RNF214: variants seen among roughly 807,000 people sequenced by gnomAD.
RNF214 encodes the protein ring finger protein 214.
A neutral mutation model predicts 75.9 loss-of-function variants in RNF214; 25 were observed. The observed-to-expected ratio is 0.33, with a 90% CI of 0.24 to 0.46. The LOEUF is 0.46. Ranked by LOEUF, RNF214 falls within the 20% of genes least tolerant of loss-of-function variation. RNF214 has a pLI of 1.00. For synonymous variants in RNF214, 314 were observed against 308.8 expected, an observed-to-expected ratio of 1.02 and a Z score of -0.18; for missense variants, 725 against 857.5, an observed-to-expected ratio of 0.85 and a Z score of 1.93.
At chr11:117,239,638 G>T in intron 3 of RNF214, 163 bp from the exon 4 acceptor site, 2 of 629,306 alleles carry the variant, frequency 3.2e-6, no homozygotes, top group Non-Finnish European at 5.7e-6. Context: ...CAGCGTGGAT[G>T]TTGGTGTCCG....
chr11:117,271,319 T>C (rs932858570), intron 6 of RNF214, among the ~76,000 whole-genome samples: 1 of 152,246 alleles, frequency 6.6e-6, no homozygotes, highest in African/African-American at 2.4e-5. Flanking sequence ...CCTTGGCCTC[T>C]GTGAACCCGT....
At chr11:117,255,087 T>C (rs955751168) in intron 6 of RNF214, among the ~76,000 whole-genome samples, 4 of 152,200 alleles carry the variant, frequency 2.6e-5, no homozygotes, top group Non-Finnish European at 2.9e-5. Context: ...AGGCTAGTCT[T>C]GAACTCCTCT....
chr11:117,275,600 G>A (rs1424605962), intron 6 of RNF214, among the ~76,000 whole-genome samples: 2 of 152,130 alleles, frequency 1.3e-5, no homozygotes, highest in African/African-American at 4.8e-5. Context: ...ATCTGAGACT[G>A]CTGTGAACAC....
At chr11:117,279,636 C>T (rs1277777202) in intron 6 of RNF214, among the ~76,000 whole-genome samples, 5 of 152,188 alleles carry the variant, frequency 3.3e-5, no homozygotes, top group Admixed American at 6.5e-5. Context: ...CACGCCCGGT[C>T]ACAACGTTTT....
At chr11:117,234,201 G>A (rs540994292) in intron 1 of RNF214, 66 bp from the exon 2 acceptor site, 12 of 1,154,124 alleles carry the variant, frequency 1.0e-5, no homozygotes, top group East Asian at 2.3e-5. Flanking sequence ...CATTCTGAGG[G>A]GGGAGAGATA....
chr11:117,249,958 T>G (rs2033327874), intron 6 of RNF214, among the ~76,000 whole-genome samples: 1 of 152,222 alleles, frequency 6.6e-6, no homozygotes, highest in Non-Finnish European at 1.5e-5. Context: ...TATTTCCTGT[T>G]TATAGTGTTT....
intron 6 of RNF214, among the ~76,000 whole-genome samples, chr11:117,273,235 G>A (rs961071581): frequency 9.9e-5 from 15 of 152,106 alleles, no homozygotes; most frequent in Non-Finnish European, 1.8e-4. Context: ...AGCTTTTAAA[G>A]ATAATTGTGG....
Position 117,279,988 on chromosome 11 carries a change from G to A in RNF214, c.1040G>A (p.Arg347Gln), listed in dbSNP as rs745416152. Residue 347 changes from arginine to glutamine, a missense_variant, in exon 7 of 15, where the codon CGG becomes CAG. Coordinates refer to ENST00000300650, the MANE Select transcript of RNF214 (RefSeq NM_207343.4). ...AGGAACATTATGGAAGAGACTGAAC[G>A]GGCCTGGAAGGCAGAGGTGAGAAGA... ...INRNIMEETERAWKAEILSLE... is the reference protein window; with the variant it reads ...INRNIMEETEQAWKAEILSLE... 2.5e-6 allele frequency: 4 copies of A among 1,612,504 alleles called. No individual in the cohort carries two copies. The highest frequency in any genetic ancestry group is 2.5e-6 in the Non-Finnish European group (3 of 1,179,168).
intron 6 of RNF214, among the ~76,000 whole-genome samples, chr11:117,252,195 T>C (rs1478254733): frequency 6.6e-6 from 1 of 152,186 alleles, no homozygotes; most frequent in African/African-American, 2.4e-5. Context: ...AGTAGATTAC[T>C]TGGGCAGTTG....
At chr11:117,252,616 A>T (rs183566632) in intron 6 of RNF214, among the ~76,000 whole-genome samples, 7 of 151,526 alleles carry the variant, frequency 4.6e-5, no homozygotes, top group Non-Finnish European at 1.0e-4. Context: ...CACCTCCCGG[A>T]TTCAAGCGAT....
chr11:117,281,191 C>T, intron 8 of RNF214, 123 bp from the exon 9 acceptor site: 1 of 676,008 alleles, frequency 1.5e-6, no homozygotes, highest in Non-Finnish European at 2.7e-6. Context: ...CCAGGCTGGT[C>T]TAGAACTCCT....
At chr11:117,265,914 C>T (rs927410276) in intron 6 of RNF214, among the ~76,000 whole-genome samples, 11 of 152,118 alleles carry the variant, frequency 7.2e-5, no homozygotes, top group South Asian at 2.1e-4. Context: ...CTCATTCTGC[C>T]GTTCCTAAGT....
chr11:117,273,559 C>A (rs1273787172), intron 6 of RNF214, among the ~76,000 whole-genome samples: 2 of 152,066 alleles, frequency 1.3e-5, no homozygotes, highest in African/African-American at 4.8e-5. Context: ...GTTATACAAC[C>A]AACAAGTTTA....
chr11:117,246,702 C>T, intron 5 of RNF214, 107 bp from the exon 6 acceptor site: 1 of 1,177,792 alleles, frequency 8.5e-7, no homozygotes. Flanking sequence ...TTTGAATTCA[C>T]TAAAGTCAAT....
rs371048883 is a variant in RNF214, at chr11:117,282,201, G to A, written c.1643G>A (p.Arg548Gln). 9.3e-6 allele frequency: 15 copies of A among 1,612,942 alleles called. No homozygotes were observed. In the African/African-American group the frequency reaches 9.3e-5, roughly 10 times the overall value. ...GTTAAGGCTTCTGCTGAAACTCCCC[G>A]GCCCCAACCAGTAGACAAACTGGAG... ...GGVKASAETPRPQPVDKLEKI... is the reference protein window; with the variant it reads ...GGVKASAETPQPQPVDKLEKI... Residue 548 changes from arginine to glutamine, a missense_variant, in exon 11 of 15, where the codon CGG becomes CAG. By Grantham distance (43) the Arg-to-Gln change is conservative. Transcript: ENST00000300650.
intron 6 of RNF214, among the ~76,000 whole-genome samples, chr11:117,251,931 C>T (rs573700439): frequency 5.9e-5 from 9 of 152,264 alleles, no homozygotes; most frequent in Admixed American, 2.6e-4. Flanking sequence ...TGCAGTGGCA[C>T]GATCTTGGCT....
intron 6 of RNF214, among the ~76,000 whole-genome samples, chr11:117,250,545 A>G (rs2033344004): frequency 1.3e-5 from 2 of 151,970 alleles, no homozygotes; most frequent in Non-Finnish European, 2.9e-5. Flanking sequence ...AAAAAATGCA[A>G]CAACTGGTAA....
chr11:117,238,577 C>G, intron 2 of RNF214, 24 bp from the exon 3 acceptor site: 1 of 1,576,804 alleles, frequency 6.3e-7, no homozygotes, highest in Non-Finnish European at 8.6e-7. Flanking sequence ...ATATACTTTT[C>G]TTTTTATCTT....
chr11:117,251,139 C>T (rs1267424891), intron 6 of RNF214, among the ~76,000 whole-genome samples: 2 of 151,184 alleles, frequency 1.3e-5, no homozygotes. Context: ...GTACACCTCC[C>T]AGACGGGGTG....
Sources: allele counts gnomAD v4.1 joint callset (sites outside exome capture counted in the v4.1 genomes callset), GRCh38; gene constraint gnomAD v4.1.1; transcripts MANE v1.5; gene names NCBI Gene and HGNC (gene_info 2026-07-23, HGNC 2026-07-21).